SMURF2: variants seen among roughly 807,000 people sequenced by gnomAD.
SMURF2 encodes E3 ubiquitin-protein ligase SMURF2.
Under a neutral mutation model 109.6 loss-of-function variants are expected in SMURF2, and 48 were observed. That is an observed-to-expected ratio of 0.44 (90% CI 0.35 to 0.56). The LOEUF (loss-of-function observed/expected upper bound fraction) is 0.56. Ranked by LOEUF, SMURF2 falls within the 20% of genes least tolerant of loss-of-function variation. SMURF2 has a pLI of 0.01. For missense variants in SMURF2, 575 were observed against 909.0 expected, an observed-to-expected ratio of 0.63 and a Z score of 4.72; for synonymous variants, 288 against 317.1, an observed-to-expected ratio of 0.91 and a Z score of 0.97.
intron 8 of SMURF2, among the ~76,000 whole-genome samples, chr17:64,579,685 G>T (rs140066561): frequency 1.4e-3 from 208 of 152,280 alleles, no homozygotes; most frequent in African/African-American, 4.6e-3. Context: ...GCCAGACACT[G>T]TGCCAGCATT....
chr17:64,618,646 G>A (rs1206678277), intron 1 of SMURF2, among the ~76,000 whole-genome samples: 1 of 152,122 alleles, frequency 6.6e-6, no homozygotes, highest in Non-Finnish European at 1.5e-5. Flanking sequence ...TTCAAGAGAT[G>A]AATATTGTAT....
rs528079886 is a variant in SMURF2 at position 64,636,316 on chromosome 17, C to T, written c.52+25513G>A. 3.9e-5 allele frequency among the ~76,000 whole-genome samples: 6 copies of T among 151,970 alleles called. No individual in the cohort carries two copies. In the East Asian group the frequency reaches 1.2e-3, roughly 29 times the overall value. ...TTTTATTGTTGAGTTTTAAGAGTTC[C>T]TTAAGGCCGGGTGCGGTGGCTCACA... On this transcript the variant is annotated intron_variant, in intron 1 of 18. Transcript: ENST00000262435.
intron 1 of SMURF2, among the ~76,000 whole-genome samples, chr17:64,619,852 G>A (rs570187446): frequency 6.6e-6 from 1 of 152,114 alleles, no homozygotes; most frequent in East Asian, 1.9e-4. Flanking sequence ...GAATATTGGG[G>A]GACACATTCC....
intron 14 of SMURF2, 35 bp downstream of exon 14, chr17:64,555,785 G>A (rs782677830): frequency 2.1e-6 from 3 of 1,418,492 alleles, no homozygotes; most frequent in Non-Finnish European, 2.9e-6. Flanking sequence ...AAAGCTCAGA[G>A]TTTATAATGA....
chr17:64,628,129 G>A (rs1204623255), intron 1 of SMURF2, among the ~76,000 whole-genome samples: 2 of 152,188 alleles, frequency 1.3e-5, no homozygotes, highest in African/African-American at 2.4e-5. Flanking sequence ...GACTTTATGA[G>A]TTTGTTCTGC....
chr17:64,557,625 C>A lies in SMURF2; in HGVS notation c.1414G>T (p.Asp472Tyr), dbSNP rs1555684135. The change falls in exon 13 of 19, where the codon GAT becomes TAT. Residue 472 changes from aspartate (D) to tyrosine (Y), a missense_variant. By Grantham distance (160) the Asp-to-Tyr change is radical. This residue lies in a region of SMURF2 where 361 missense variants were observed against 612.1 expected (regional missense o/e 0.59). Transcript: ENST00000262435. ...DDIYTLQINP[D>Y]SAVNPEHLSY... Reference sequence around the variant, plus strand: ...AATCATACCGGATTAACTGCAGAATCAGGATTGATCTGCAATGTATAAATA... The same window carrying A: ...AATCATACCGGATTAACTGCAGAATAAGGATTGATCTGCAATGTATAAATA... 1 of 1,595,290 alleles carries A rather than the reference C, an allele frequency of 6.3e-7. No individual in the cohort carries two copies. Among genetic ancestry groups the A allele is most frequent in the Admixed American group, 1.7e-5 (1 of 59,140 alleles).
At chr17:64,565,235 C>T (rs1969283135) in intron 10 of SMURF2, among the ~76,000 whole-genome samples, 1 of 151,950 alleles carries the variant, frequency 6.6e-6, no homozygotes, top group South Asian at 2.1e-4. Context: ...ACTATTGTTC[C>T]TGATGCACTC....
intron 1 of SMURF2, among the ~76,000 whole-genome samples, chr17:64,610,326 T>C (rs1329369718): frequency 6.6e-6 from 1 of 152,186 alleles, no homozygotes; most frequent in Non-Finnish European, 1.5e-5. Flanking sequence ...ATTGTGGCAC[T>C]ATCCACAATA....
At chr17:64,569,349 A>T (rs1969365050) in intron 10 of SMURF2, among the ~76,000 whole-genome samples, 1 of 152,114 alleles carries the variant, frequency 6.6e-6, no homozygotes, top group Non-Finnish European at 1.5e-5. Context: ...TGGATTAAAG[A>T]CTTTACAGTA....
intron 1 of SMURF2, among the ~76,000 whole-genome samples, chr17:64,657,432 C>T (rs1970719571): frequency 6.6e-6 from 1 of 152,012 alleles, no homozygotes; most frequent in African/African-American, 2.4e-5. Context: ...TGGCTCACAC[C>T]TGTAATCCCA....
At chr17:64,584,361 C>CTTTTTTTTTTTTTT (rs372682588) in intron 6 of SMURF2, among the ~76,000 whole-genome samples, 5 of 112,708 alleles carry the variant, frequency 4.4e-5, no homozygotes, top group African/African-American at 7.5e-5. Context: ...CTTTTTTTTT[C>CTTTTTTTTTTTTTT]TTTTTTTTTT....
chr17:64,638,621 A>G (rs1555692321), intron 1 of SMURF2, among the ~76,000 whole-genome samples: 1 of 152,248 alleles, frequency 6.6e-6, no homozygotes, highest in Non-Finnish European at 1.5e-5. Context: ...AGTCTCTTTC[A>G]TTAAAGCTAC....
chr17:64,595,071 T>C (rs1568188049), intron 3 of SMURF2, among the ~76,000 whole-genome samples: 2 of 152,176 alleles, frequency 1.3e-5, no homozygotes, highest in Non-Finnish European at 2.9e-5. Flanking sequence ...AATACATATA[T>C]TGATTACCTC....
At chr17:64,610,527 T>A (rs1970029199) in intron 1 of SMURF2, among the ~76,000 whole-genome samples, 1 of 152,138 alleles carries the variant, frequency 6.6e-6, no homozygotes, top group Non-Finnish European at 1.5e-5. Flanking sequence ...AAACACCACA[T>A]GTTCTCACTT....
chr17:64,641,000 C>T (rs555737870), intron 1 of SMURF2, among the ~76,000 whole-genome samples: 21 of 151,654 alleles, frequency 1.4e-4, no homozygotes, highest in Non-Finnish European at 2.4e-4. Flanking sequence ...ATTCTTAACC[C>T]TGAATTATAA....
intron 3 of SMURF2, among the ~76,000 whole-genome samples, chr17:64,595,934 C>A (rs1383407077): frequency 6.6e-6 from 1 of 152,072 alleles, no homozygotes; most frequent in Non-Finnish European, 1.5e-5. Context: ...ATCAGCAATA[C>A]TCTAAACCTA....
intron 2 of SMURF2, among the ~76,000 whole-genome samples, chr17:64,601,078 C>T (rs1231361429): frequency 1.3e-5 from 2 of 151,854 alleles, no homozygotes; most frequent in East Asian, 3.9e-4. Flanking sequence ...GTAAGACCAC[C>T]CCCCATCCCC....
intron 1 of SMURF2, among the ~76,000 whole-genome samples, chr17:64,610,202 T>C (rs1200473275): frequency 1.3e-5 from 2 of 152,202 alleles, no homozygotes; most frequent in Admixed American, 1.3e-4. Context: ...AGTGTGGCAA[T>C]TCCTCAAGGA....
intron 1 of SMURF2, among the ~76,000 whole-genome samples, chr17:64,660,348 A>G (rs1219090380): frequency 1.3e-5 from 2 of 152,174 alleles, no homozygotes; most frequent in Non-Finnish European, 1.5e-5. Flanking sequence ...AAGATCCCCT[A>G]TAAAGGTTTC....
Sources: gnomAD v4.1 joint callset for allele counts (sites outside exome capture counted in the v4.1 genomes callset) on GRCh38, gnomAD v4.1.1 for gene constraint, gnomAD v4.1.1 regional missense constraint, MANE v1.5 for transcripts, NCBI Gene and HGNC (gene_info 2026-07-23, HGNC 2026-07-21) for gene names.